Variants in NTRK1 observed in about 807,000 individuals in gnomAD.
NTRK1 encodes neurotrophic receptor tyrosine kinase 1.
NTRK1 carries 62 observed loss-of-function variants against 86.8 expected under a neutral mutation model. The observed-to-expected ratio is 0.71, with a 90% confidence interval of 0.58 to 0.88. NTRK1 has a LOEUF of 0.88. Ranked by LOEUF, NTRK1 falls within the 40% of genes least tolerant of loss-of-function variation. The pLI is 0.00. For missense variants in NTRK1, 967 were observed against 1,078.4 expected (o/e 0.90, Z 1.45); for synonymous variants, 469 against 456.6 (o/e 1.03, Z -0.35).
chr1:156,828,915 A>G (rs1194094532), intron 1 of NTRK1, among the ~76,000 whole-genome samples: 1 of 152,184 alleles, frequency 6.6e-6, no homozygotes, highest in South Asian at 2.1e-4. Context: ...AATTATTATC[A>G]TTGTTCTATT....
chr1:156,848,882 C>G (rs974931348), intron 2 of NTRK1: 3 of 1,543,488 alleles, frequency 1.9e-6, no homozygotes, highest in Non-Finnish European at 2.6e-6. Context: ...TGGCCTCGTC[C>G]GGTCCCGCCC....
intron 1 of NTRK1, among the ~76,000 whole-genome samples, chr1:156,863,020 G>A (rs963235896): frequency 6.6e-6 from 1 of 151,832 alleles, no homozygotes; most frequent in Non-Finnish European, 1.5e-5. Flanking sequence ...GAGGGTAGAG[G>A]GGGAGAGTTC....
chr1:156,844,593 C>T (rs767505638), intron 2 of NTRK1: 19 of 1,614,158 alleles, frequency 1.2e-5, no homozygotes, highest in East Asian at 2.2e-5. Context: ...CTTCGCATAT[C>T]GAAGACGGGA....
intron 1 of NTRK1, among the ~76,000 whole-genome samples, chr1:156,822,244 T>G (rs1418577432): frequency 6.6e-6 from 1 of 152,172 alleles, no homozygotes; most frequent in African/African-American, 2.4e-5. Flanking sequence ...ACGGTGACAT[T>G]CCTAGTTTCT....
rs1433789221 is a variant in NTRK1, at chr1:156,873,880, C to T, written c.1098C>T (p.Pro366=). 3.8e-6 allele frequency: 6 copies of T among 1,591,252 alleles called. No individual in the cohort carries two copies. In the East Asian group the frequency reaches 9.2e-5, roughly 24 times the overall value. The change falls in exon 8 of 17, where the codon CCC becomes CCT. Residue 366 remains proline (P), a synonymous_variant. Coordinates refer to ENST00000524377, the MANE Select transcript of NTRK1 (RefSeq NM_002529.4). ...NGNYTLLAAN[P]FGQASASIMA... ...ACTACACGCTGCTGGCTGCCAACCC[C>T]TTCGGCCAGGCCTCCGCCTCCATCA...
At chr1:156,815,841 A>G (rs1316873293) in intron 1 of NTRK1, 3 of 1,613,668 alleles carry the variant, frequency 1.9e-6, no homozygotes, top group Non-Finnish European at 2.5e-6. Context: ...TGAAGGAGGT[A>G]CTCCTCATTT....
rs745765076 is a variant in NTRK1, at chr1:156,845,915, C to T, written c.50+3722C>T. ...TGCGCCTCCATCTCCCCTTCCCCAC[C>T]CGCCCCGCGGCCGGCCTGCGCGTCG... On this transcript the variant is annotated intron_variant, in intron 2 of 16. Coordinates refer to the NTRK1 transcript ENST00000392302. 5.6e-6 allele frequency: 9 copies of T among 1,602,506 alleles called. No individual in the cohort carries two copies. In the Admixed American group the frequency reaches 8.6e-5, roughly 15 times the overall value.
At chr1:156,871,601 C>T (rs1469351631) in intron 6 of NTRK1, 22 bp from the exon 7 acceptor site, 2 of 1,613,770 alleles carry the variant, frequency 1.2e-6, no homozygotes, top group East Asian at 2.2e-5. Flanking sequence ...CTTCTTATTC[C>T]CCCCTCTCTT....
chr1:156,871,604 CCT>C lies in NTRK1; in HGVS notation c.718-14_718-13del, dbSNP rs768055677. ...TGGCTAAAGCTCCTTCTTATTCCCCCCTCTCTTTCCTGATCTAGAAATCTGGG... is the reference window on the plus strand; with the variant it reads ...TGGCTAAAGCTCCTTCTTATTCCCCCCTCTTTCCTGATCTAGAAATCTGGG... On this transcript the variant is annotated splice_polypyrimidine_tract_variant and intron_variant, in intron 6 of 16. Transcript: ENST00000524377. 32 of 1,614,010 alleles carry C rather than the reference CCT, an allele frequency of 2.0e-5. No individual in the cohort carries two copies. In the African/African-American group the frequency reaches 2.8e-4, roughly 14 times the overall value.
intron 2 of NTRK1, chr1:156,844,707 C>T (rs1654926806): frequency 6.2e-7 from 1 of 1,613,994 alleles, no homozygotes; most frequent in African/African-American, 1.3e-5. Flanking sequence ...GGGCACCTAC[C>T]TCTCCCAAGC....
At chr1:156,858,769 A>G (rs561951801), upstream of NTRK1, 1 of 644,616 alleles carries the variant, frequency 1.6e-6, no homozygotes, top group Non-Finnish European at 2.8e-6. Flanking sequence ...CCACACAGAG[A>G]CAGCAGGAGA....
At chr1:156,836,084 C>G (rs1418841859) in intron 1 of NTRK1, among the ~76,000 whole-genome samples, 2 of 152,198 alleles carry the variant, frequency 1.3e-5, no homozygotes, top group Non-Finnish European at 2.9e-5. Context: ...CCTTTCTCCT[C>G]CTGCGTGTCT....
rs35237064 is a variant in NTRK1 at position 156,850,534 on chromosome 1, C to CTTTTTTT, written c.50+8366_50+8372dup. Among the ~76,000 whole-genome samples the CTTTTTTT allele has an allele frequency of 1.1e-3, 67 of 58,638 alleles. 1 individual carries two copies. The highest frequency in any genetic ancestry group is 0.017 in the Middle Eastern group (1 of 58). The allele number at this position is 58,638 out of a possible 152,430, so 38.5% of individuals were successfully genotyped here. A position where few individuals can be genotyped will look rare whatever the true frequency, so the allele number is the denominator to read the frequency against. ...GACCTGGATGGTAATTTAAAACATTCTTTTTTTTTTTTTTTTTTTTTTTTT... is the reference window on the plus strand; with the variant it reads ...GACCTGGATGGTAATTTAAAACATTCTTTTTTTTTTTTTTTTTTTTTTTTTTTTTTTT... On this transcript the variant is annotated intron_variant, in intron 2 of 16. Coordinates refer to the NTRK1 transcript ENST00000392302.
At chr1:156,841,713 G>A in intron 1 of NTRK1, 1 of 1,614,142 alleles carries the variant, frequency 6.2e-7, no homozygotes, top group East Asian at 2.2e-5. Context: ...GGACTCGGGG[G>A]CCATCCAGCG....
rs535989091 is a variant in NTRK1, at chr1:156,870,869, C to T, written c.718-754C>T. ...ATGTAACTTACACATGACAAATCCA[C>T]GGTTTCCTAGGAAGAGAAACTTGAT... On this transcript the variant is annotated intron_variant, in intron 6 of 16. Coordinates refer to ENST00000524377, the MANE Select transcript of NTRK1 (RefSeq NM_002529.4). Among the ~76,000 whole-genome samples, 14 of 152,346 alleles carry T rather than the reference C, an allele frequency of 9.2e-5. No homozygotes were observed. The South Asian group carries it at 2.5e-3, about 27-fold the overall frequency.
chr1:156,875,894 C>A, intron 12 of NTRK1, 186 bp from the exon 13 acceptor site: 3 of 1,106,826 alleles, frequency 2.7e-6, no homozygotes, highest in Non-Finnish European at 4.0e-6. Flanking sequence ...CATGTCCTCT[C>A]GGGGCAGGTG....
rs775750741 is a variant in NTRK1 at position 156,844,222 on chromosome 1, C to T, written c.50+2029C>T. The T allele has an allele frequency of 3.2e-5, 52 of 1,613,810 alleles. No individual in the cohort carries two copies. Among genetic ancestry groups the T allele is most frequent in the South Asian group, 2.1e-4 (19 of 91,084 alleles). On this transcript the variant is annotated intron_variant, in intron 2 of 16. Coordinates refer to the NTRK1 transcript ENST00000392302. The stretch of plus-strand genomic sequence containing the variant: ...CAAGGGCAGCAAGAACGATGAGCAG[C>T]GTGAGCCCCACAGGGGTGGCAGTGA...
At chr1:156,861,212 G>A (rs1655636043) in intron 1 of NTRK1, 66 bp downstream of exon 1, 7 of 1,501,710 alleles carry the variant, frequency 4.7e-6, no homozygotes, top group Non-Finnish European at 5.3e-6. Context: ...CCGAGGGCGC[G>A]GACTCGCTGC....
At position 156,841,421 on chromosome 1, in the gene NTRK1, T is replaced by C. The variant is rs1654776233; in HGVS notation, c.-63-660T>C. The C allele has an allele frequency of 1.9e-6, 3 of 1,613,738 alleles. No individual in the cohort carries two copies. In the African/African-American group the frequency reaches 4.0e-5, roughly 22 times the overall value. ...CTGAAGGGGACAGCCCTCCAGCTCC[T>C]CCAGGACCCCGCCATCCATGACGAA... On this transcript the variant is annotated intron_variant, in intron 1 of 16. Transcript: ENST00000392302.
Sources: allele counts gnomAD v4.1 joint callset (sites outside exome capture counted in the v4.1 genomes callset), GRCh38; gene constraint gnomAD v4.1.1; transcripts MANE v1.5; gene names NCBI Gene and HGNC (gene_info 2026-07-23, HGNC 2026-07-21).